Variants in RAPGEF2 observed in about 807,000 individuals in gnomAD.
RAPGEF2 encodes Rap guanine nucleotide exchange factor 2.
A neutral mutation model predicts 186.7 loss-of-function variants in RAPGEF2; 54 were observed. The ratio of observed to expected loss-of-function variants is 0.29; its 90% confidence interval spans 0.23 to 0.36. The LOEUF is 0.36. RAPGEF2 is among the 10% of genes least tolerant of loss of function. RAPGEF2 has a pLI of 1.00. For synonymous variants in RAPGEF2, 712 were observed against 705.9 expected, an observed-to-expected ratio of 1.01 and a Z score of -0.14; for missense variants, 1,532 against 2,045.0, an observed-to-expected ratio of 0.75 and a Z score of 4.84.
At chr4:159,244,499 A>G (rs752925875) in intron 7 of RAPGEF2, among the ~76,000 whole-genome samples, 3 of 152,002 alleles carry the variant, frequency 2.0e-5, no homozygotes, top group Non-Finnish European at 4.4e-5. Context: ...ACTAAAATCT[A>G]TGATTTTCAT....
intron 7 of RAPGEF2, among the ~76,000 whole-genome samples, chr4:159,266,488 A>G (rs1429914159): frequency 1.3e-5 from 2 of 152,206 alleles, no homozygotes; most frequent in African/African-American, 4.8e-5. Flanking sequence ...TCAAATACCT[A>G]CATATGTACA....
At position 159,187,817 on chromosome 4, in the gene RAPGEF2, T is replaced by C. The variant is rs181072829; in HGVS notation, c.140+1105T>C. ...TTGTTTTTTCCAGGTCTAGCTATTTTTGATGCCAGCGGGTTTTAATTATGA... is the reference window on the plus strand; with the variant it reads ...TTGTTTTTTCCAGGTCTAGCTATTTCTGATGCCAGCGGGTTTTAATTATGA... On this transcript the variant is annotated intron_variant, in intron 2 of 29. Coordinates refer to ENST00000691494, the MANE Select transcript of RAPGEF2 (RefSeq NM_001394067.2). Among the ~76,000 whole-genome samples the C allele has an allele frequency of 2.2e-3, 330 of 152,366 alleles. 1 individual carries two copies. Among genetic ancestry groups the C allele is most frequent in the African/African-American group, 7.4e-3 (306 of 41,586 alleles).
At chr4:159,198,260 CTCTTTCTTTCCTTCTTTCTT>C (rs1748916063) in intron 3 of RAPGEF2, among the ~76,000 whole-genome samples, 1 of 64,152 alleles carries the variant, frequency 1.6e-5, no homozygotes, top group African/African-American at 7.4e-5. Flanking sequence ...TTCTTTCTTT[CTCTTTCTTTCCTTCTTTCTT>C]TCTTTCTTTC....
intron 7 of RAPGEF2, among the ~76,000 whole-genome samples, chr4:159,300,387 T>C (rs1762510528): frequency 6.6e-6 from 1 of 151,838 alleles, no homozygotes; most frequent in African/African-American, 2.4e-5. Context: ...TTTAGGACTA[T>C]AGGTTGCTTG....
chr4:159,315,562 A>G (rs1305267348), intron 9 of RAPGEF2, among the ~76,000 whole-genome samples: 2 of 152,134 alleles, frequency 1.3e-5, no homozygotes, highest in African/African-American at 4.8e-5. Flanking sequence ...AGTTGCGGAA[A>G]CCGGTAGTGG....
At chr4:159,196,816 T>C (rs893262650) in intron 3 of RAPGEF2, among the ~76,000 whole-genome samples, 6 of 152,276 alleles carry the variant, frequency 3.9e-5, no homozygotes, top group African/African-American at 1.4e-4. Context: ...GATGGTGTTA[T>C]TGTTTTAACA....
At chr4:159,268,174 C>G (rs754497917) in intron 7 of RAPGEF2, 1 of 1,612,726 alleles carries the variant, frequency 6.2e-7, no homozygotes, top group Non-Finnish European at 8.5e-7. Flanking sequence ...ACTAGCAATC[C>G]CAGCTAACCA....
At chr4:159,292,248 C>T (rs1222174611) in intron 7 of RAPGEF2, among the ~76,000 whole-genome samples, 2 of 152,146 alleles carry the variant, frequency 1.3e-5, no homozygotes, top group African/African-American at 4.8e-5. Context: ...CTCTCCTTGT[C>T]AGAGCTTGTA....
chr4:159,233,665 T>C (rs1425552168), intron 4 of RAPGEF2, among the ~76,000 whole-genome samples: 1 of 152,100 alleles, frequency 6.6e-6, no homozygotes, highest in Non-Finnish European at 1.5e-5. Context: ...ACAAATTGTG[T>C]GCAGCGTATA....
At chr4:159,338,175 C>A (rs566517268) in intron 17 of RAPGEF2, 136 bp from the exon 18 acceptor site, 4 of 707,106 alleles carry the variant, frequency 5.7e-6, no homozygotes, top group African/African-American at 3.6e-5. Flanking sequence ...CAGTTTTCAA[C>A]CAAATTTATT....
chr4:159,252,226 T>G (rs1006444248), intron 7 of RAPGEF2, among the ~76,000 whole-genome samples: 4 of 152,176 alleles, frequency 2.6e-5, no homozygotes, highest in Non-Finnish European at 5.9e-5. Flanking sequence ...ACACTCGTGT[T>G]TTTTGTAGGG....
rs1229306754 is a variant in RAPGEF2 at position 159,355,899 on chromosome 4, C to G, written c.4698C>G (p.Gly1566=). 6 of 1,550,568 alleles carry G rather than the reference C, an allele frequency of 3.9e-6. No individual in the cohort carries two copies. The Admixed American group carries it at 7.8e-5, about 20-fold the overall frequency. The stretch of plus-strand genomic sequence containing the variant: ...GAGAGCCCCCGCCCACCCCTCCCGG[C>G]TACATTGGAATTCCCATTACTGACT... ...RYREPPPTPP[G]YIGIPITDFP... Residue 1566 remains glycine (G), a synonymous_variant, in exon 29 of 30, where the codon GGC becomes GGG. Transcript: ENST00000691494.
intron 7 of RAPGEF2, among the ~76,000 whole-genome samples, chr4:159,253,602 G>T (rs1755745935): frequency 6.6e-6 from 1 of 151,514 alleles, no homozygotes; most frequent in African/African-American, 2.4e-5. Flanking sequence ...TTCGTTTTTA[G>T]AAAATACCTG....
At chr4:159,228,082 G>A (rs1294337278) in intron 4 of RAPGEF2, among the ~76,000 whole-genome samples, 1 of 152,200 alleles carries the variant, frequency 6.6e-6, no homozygotes, top group African/African-American at 2.4e-5. Context: ...CTGTCAGGCA[G>A]CCGCTGAGGT....
intron 3 of RAPGEF2, 37 bp from the exon 4 acceptor site, chr4:159,210,463 T>C (rs778469212): frequency 1.8e-5 from 25 of 1,366,730 alleles, no homozygotes; most frequent in African/African-American, 5.8e-5. Context: ...GTTGTTGTTA[T>C]AGGTAACAAT....
chr4:159,240,677 A>C (rs1484774182), intron 5 of RAPGEF2, among the ~76,000 whole-genome samples: 1 of 152,142 alleles, frequency 6.6e-6, no homozygotes, highest in Non-Finnish European at 1.5e-5. Context: ...AACACTATTT[A>C]TAAAAAAAGA....
intron 4 of RAPGEF2, among the ~76,000 whole-genome samples, chr4:159,219,995 G>A (rs970002832): frequency 6.6e-6 from 1 of 152,174 alleles, no homozygotes; most frequent in Non-Finnish European, 1.5e-5. Context: ...AAAGTGTTTT[G>A]AGAAGGTTCA....
chr4:159,137,748 T>C (rs1364088687), intron 1 of RAPGEF2, among the ~76,000 whole-genome samples: 1 of 146,506 alleles, frequency 6.8e-6, no homozygotes, highest in Non-Finnish European at 1.5e-5. Context: ...TTAAACTTAC[T>C]GGGAAGGGAG....
At chr4:159,282,705 G>A (rs1759889025) in intron 7 of RAPGEF2, 2 of 428,432 alleles carry the variant, frequency 4.7e-6, no homozygotes, top group Admixed American at 2.8e-5. Context: ...AAATGATCAA[G>A]GTAGAAATGT....
Sources: allele counts gnomAD v4.1 joint callset (sites outside exome capture counted in the v4.1 genomes callset), GRCh38; gene constraint gnomAD v4.1.1; transcripts MANE v1.5; gene names NCBI Gene and HGNC (gene_info 2026-07-23, HGNC 2026-07-21).